The following SCHIP1 variants were observed in gnomAD, a reference collection of about 807,000 sequenced individuals.
SCHIP1 encodes schwannomin-interacting protein 1.
In SCHIP1, 8 loss-of-function variants were observed where a neutral mutation model predicts 29.7. The observed-to-expected ratio is 0.27, with a 90% CI of 0.16 to 0.49. SCHIP1 has a LOEUF of 0.49. Among genes scored for constraint, SCHIP1 ranks in the 20% least tolerant of loss-of-function variants. The pLI is 0.99. For missense variants in SCHIP1, 193 were observed against 294.6 expected (o/e 0.66, Z 2.52); for synonymous variants, 76 against 94.9 (o/e 0.80, Z 1.16).
the SCHIP1 span, among the ~76,000 whole-genome samples, chr3:159,630,835 C>T: frequency 3.9e-4 from 59 of 152,138 alleles, no homozygotes; most frequent in African/African-American, 1.4e-3. Context: ...ATTCATGTAA[C>T]CAAACACCAC....
the SCHIP1 span, among the ~76,000 whole-genome samples, chr3:159,437,543 T>C: frequency 6.6e-6 from 1 of 152,076 alleles, no homozygotes; most frequent in East Asian, 1.9e-4. Context: ...CACTTCTTAG[T>C]CTGGCTCCTG....
At chr3:159,832,692 C>T in the SCHIP1 span, among the ~76,000 whole-genome samples, 2 of 152,148 alleles carry the variant, frequency 1.3e-5, no homozygotes, top group African/African-American at 2.4e-5. Context: ...GCTCTGTCAG[C>T]GTTCCCTCTC....
intron 6 of SCHIP1, 144 bp downstream of exon 7, chr3:159,892,334 A>G: frequency 1.1e-6 from 1 of 872,306 alleles, no homozygotes; most frequent in South Asian, 1.6e-5. Flanking sequence ...AGCTGTTCAG[A>G]TGGAGGGGAA....
the SCHIP1 span, among the ~76,000 whole-genome samples, chr3:159,783,892 C>A: frequency 6.6e-6 from 1 of 152,064 alleles, no homozygotes; most frequent in African/African-American, 2.4e-5. Context: ...GCGCACTAAC[C>A]CAAGATGAAG....
the SCHIP1 span, among the ~76,000 whole-genome samples, chr3:159,506,746 T>C: frequency 6.6e-6 from 1 of 152,228 alleles, no homozygotes; most frequent in East Asian, 1.9e-4. Flanking sequence ...TTTCTTGTTT[T>C]TCTCAGGTTT....
At chr3:159,328,103 A>G in the SCHIP1 span, among the ~76,000 whole-genome samples, 1 of 152,210 alleles carries the variant, frequency 6.6e-6, no homozygotes, top group Non-Finnish European at 1.5e-5. Context: ...GTCATTAGCC[A>G]CATGTGCCTA....
At chr3:159,749,880 ATTAT>A in the SCHIP1 span, among the ~76,000 whole-genome samples, 2 of 152,206 alleles carry the variant, frequency 1.3e-5, no homozygotes, top group Non-Finnish European at 2.9e-5. Context: ...GTCTTAGAAG[ATTAT>A]TTATAGGCTA....
intron 6 of SCHIP1, chr3:159,892,480 A>G (rs1273514969): frequency 7.1e-6 from 4 of 564,924 alleles, no homozygotes; most frequent in Non-Finnish European, 9.4e-6. Flanking sequence ...TTTACCTTGA[A>G]GGACTGTCCC....
At chr3:159,684,234 T>A in the SCHIP1 span, among the ~76,000 whole-genome samples, 1 of 152,198 alleles carries the variant, frequency 6.6e-6, no homozygotes, top group South Asian at 2.1e-4. Flanking sequence ...AACTCACTGA[T>A]GTTATTCAAA....
the SCHIP1 span, among the ~76,000 whole-genome samples, chr3:159,812,648 AT>A: frequency 6.6e-6 from 1 of 152,124 alleles, no homozygotes; most frequent in Non-Finnish European, 1.5e-5. Context: ...ATTGTATTCT[AT>A]TTTTGTTTAT....
chr3:159,615,265 C>A, the SCHIP1 span, among the ~76,000 whole-genome samples: 1 of 152,170 alleles, frequency 6.6e-6, no homozygotes, highest in East Asian at 1.9e-4. Flanking sequence ...GACAGGTAAC[C>A]AAGCCCTGGA....
At chr3:159,617,894 A>G in the SCHIP1 span, among the ~76,000 whole-genome samples, 1 of 152,142 alleles carries the variant, frequency 6.6e-6, no homozygotes, top group Non-Finnish European at 1.5e-5. Context: ...CTTCATCCCT[A>G]CATACCCATT....
chr3:159,289,438 C>T, the SCHIP1 span, among the ~76,000 whole-genome samples: 1 of 151,372 alleles, frequency 6.6e-6, no homozygotes, highest in Non-Finnish European at 1.5e-5. Flanking sequence ...TATTTATTGC[C>T]TTAGAGGTTT....
At chr3:159,445,468 G>A in the SCHIP1 span, among the ~76,000 whole-genome samples, 1 of 151,656 alleles carries the variant, frequency 6.6e-6, no homozygotes, top group Admixed American at 6.6e-5. Flanking sequence ...AGTCAGTGTG[G>A]CGATTCCTCA....
the SCHIP1 span, among the ~76,000 whole-genome samples, chr3:159,720,089 G>A: frequency 3.9e-5 from 6 of 152,096 alleles, no homozygotes; most frequent in African/African-American, 9.7e-5. Context: ...GGACATTGAC[G>A]AAGCTGGAAA....
At chr3:159,803,245 A>G in the SCHIP1 span, among the ~76,000 whole-genome samples, 1 of 152,152 alleles carries the variant, frequency 6.6e-6, no homozygotes, top group African/African-American at 2.4e-5. Flanking sequence ...GAGAAAATAT[A>G]TTGGGGAAAG....
At chr3:159,714,345 T>C in the SCHIP1 span, among the ~76,000 whole-genome samples, 1 of 152,192 alleles carries the variant, frequency 6.6e-6, no homozygotes, top group African/African-American at 2.4e-5. Context: ...GATTTCTGCA[T>C]TTCCAACTGA....
the SCHIP1 span, among the ~76,000 whole-genome samples, chr3:159,625,537 CTCTT>C: frequency 1.3e-5 from 2 of 152,038 alleles, no homozygotes; most frequent in African/African-American, 4.8e-5. Flanking sequence ...TTTTTCTCTT[CTCTT>C]TATTTCCCTC....
the SCHIP1 span, among the ~76,000 whole-genome samples, chr3:159,707,824 A>G: frequency 2.0e-5 from 3 of 152,140 alleles, no homozygotes; most frequent in Non-Finnish European, 2.9e-5. Context: ...CAGTTCATCA[A>G]AGTGGTGCCT....
Sources: gnomAD v4.1 joint callset for allele counts (sites outside exome capture counted in the v4.1 genomes callset) on GRCh38, gnomAD v4.1.1 for gene constraint, MANE v1.5 for transcripts, NCBI Gene and HGNC (gene_info 2026-07-23, HGNC 2026-07-21) for gene names.